The following NCKAP5 variants were observed in gnomAD, a reference collection of about 807,000 sequenced individuals.
NCKAP5 encodes NCK associated protein 5, also known as nck-associated protein 5.
NCKAP5 carries 92 observed loss-of-function variants against 167.0 expected under a neutral mutation model. The observed-to-expected ratio is 0.55, with a 90% confidence interval of 0.47 to 0.66. The LOEUF (loss-of-function observed/expected upper bound fraction) is 0.66. Ranked by LOEUF, NCKAP5 falls within the 30% of genes least tolerant of loss-of-function variation. The pLI, the probability that NCKAP5 is intolerant of heterozygous loss-of-function variation, is 0.00. For missense variants in NCKAP5, 2,378 were observed against 2,315.0 expected (o/e 1.03, Z -0.56); for synonymous variants, 891 against 877.4 (o/e 1.02, Z -0.27).
chr2:133,366,656 A>C, intron 3 of NCKAP5, among the ~76,000 whole-genome samples: 1 of 152,156 alleles, frequency 6.6e-6, no homozygotes, highest in East Asian at 1.9e-4. Context: ...TTTGGGTAAA[A>C]CCTATTCCAA....
At chr2:133,583,145 G>A in the NCKAP5 span, among the ~76,000 whole-genome samples, 1 of 152,184 alleles carries the variant, frequency 6.6e-6, no homozygotes, top group East Asian at 1.9e-4. Context: ...ATGATATGAT[G>A]TGGATGTTTG....
chr2:133,097,081 G>C (rs1013209548), intron 6 of NCKAP5, among the ~76,000 whole-genome samples: 1 of 152,178 alleles, frequency 6.6e-6, no homozygotes, highest in African/African-American at 2.4e-5. Flanking sequence ...GCCATGCCTA[G>C]CTAAGTTTGA....
intron 1 of NCKAP5, among the ~76,000 whole-genome samples, chr2:133,563,864 T>C (rs1688356903): frequency 6.6e-6 from 1 of 152,196 alleles, no homozygotes; most frequent in African/African-American, 2.4e-5. Context: ...TTGAGTGCAG[T>C]GTCTCATACC....
chr2:132,996,848 TG>T (rs1393707416), intron 6 of NCKAP5, among the ~76,000 whole-genome samples: 1 of 152,242 alleles, frequency 6.6e-6, no homozygotes, highest in African/African-American at 2.4e-5. Context: ...ACCTTGTCAT[TG>T]GGGCCCACCA....
intron 16 of NCKAP5, among the ~76,000 whole-genome samples, chr2:132,773,320 T>C (rs1331415228): frequency 3.9e-5 from 6 of 152,218 alleles, no homozygotes; most frequent in Non-Finnish European, 8.8e-5. Flanking sequence ...TTTTAAGACG[T>C]GGCTGACAAG....
chr2:132,891,400 G>A (rs1369188431), intron 8 of NCKAP5, among the ~76,000 whole-genome samples: 1 of 152,190 alleles, frequency 6.6e-6, no homozygotes, highest in Non-Finnish European at 1.5e-5. Flanking sequence ...GTGAAGGTGG[G>A]TGTCACCTCC....
At chr2:133,494,655 G>A (rs73003112) in intron 3 of NCKAP5, among the ~76,000 whole-genome samples, 2,421 of 152,146 alleles carry the variant, frequency 0.016, 66 homozygotes, top group African/African-American at 0.055. Context: ...TATGGAAATC[G>A]GGTACAACTA....
At chr2:132,808,620 T>C (rs527932041) in intron 11 of NCKAP5, among the ~76,000 whole-genome samples, 1 of 152,312 alleles carries the variant, frequency 6.6e-6, no homozygotes, top group African/African-American at 2.4e-5. Context: ...CCTGTTTCGT[T>C]TCTTAGTGAG....
chr2:133,529,437 C>G (rs540084976), intron 2 of NCKAP5, among the ~76,000 whole-genome samples: 22 of 151,980 alleles, frequency 1.4e-4, no homozygotes, highest in African/African-American at 5.3e-4. Context: ...CTTCATAGTA[C>G]TATAAAACAG....
intron 4 of NCKAP5, among the ~76,000 whole-genome samples, chr2:133,233,348 C>T (rs2150258256): frequency 6.6e-6 from 1 of 152,250 alleles, no homozygotes. Flanking sequence ...CCATTTTATG[C>T]AAGCATAAAT....
the NCKAP5 span, among the ~76,000 whole-genome samples, chr2:133,667,920 A>G: frequency 6.6e-6 from 1 of 151,918 alleles, no homozygotes; most frequent in East Asian, 1.9e-4. Flanking sequence ...GAAAGCCCAT[A>G]CCCATTACCA....
At chr2:133,280,925 A>G (rs2089913305) in intron 4 of NCKAP5, among the ~76,000 whole-genome samples, 1 of 152,234 alleles carries the variant, frequency 6.6e-6, no homozygotes, top group Non-Finnish European at 1.5e-5. Flanking sequence ...ACCCTGCTAC[A>G]GAAAATATTG....
At chr2:133,638,934 C>T in the NCKAP5 span, among the ~76,000 whole-genome samples, 1 of 150,330 alleles carries the variant, frequency 6.7e-6, no homozygotes, top group Non-Finnish European at 1.5e-5. Context: ...GAAGTACTTG[C>T]AATGTGTAAT....
At chr2:132,789,873 T>C (rs918882067) in intron 13 of NCKAP5, 150 bp downstream of exon 13, 79 of 671,518 alleles carry the variant, frequency 1.2e-4, no homozygotes, top group Admixed American at 7.5e-4. Context: ...GGCTATAGCA[T>C]TGATGAAAGG....
At chr2:133,347,335 C>T (rs990640046) in intron 3 of NCKAP5, among the ~76,000 whole-genome samples, 1 of 152,006 alleles carries the variant, frequency 6.6e-6, no homozygotes, top group Non-Finnish European at 1.5e-5. Context: ...GGGCAGATCA[C>T]CTGAGGTTGG....
At chr2:133,523,394 TG>T (rs1684632413) in intron 2 of NCKAP5, among the ~76,000 whole-genome samples, 1 of 152,080 alleles carries the variant, frequency 6.6e-6, no homozygotes, top group Non-Finnish European at 1.5e-5. Flanking sequence ...TCTGCCTTTC[TG>T]ATTCTGCCAC....
intron 8 of NCKAP5, among the ~76,000 whole-genome samples, chr2:132,885,688 T>C (rs977062705): frequency 1.5e-4 from 23 of 152,246 alleles, no homozygotes; most frequent in African/African-American, 5.3e-4. Context: ...CTGTGTTTCT[T>C]AGAGGTCCTG....
At position 133,189,006 on chromosome 2, in the gene NCKAP5, C is replaced by T. The variant is rs181220985; in HGVS notation, c.207+24710G>A. Among the ~76,000 whole-genome samples the T allele has an allele frequency of 8.0e-3, 1,215 of 151,598 alleles. 8 individuals are homozygous for T. Among genetic ancestry groups the T allele is most frequent in the African/African-American group, 0.028 (1,139 of 41,342 alleles). On this transcript the variant is annotated intron_variant, in intron 5 of 19. Coordinates refer to ENST00000409261, the MANE Select transcript of NCKAP5 (RefSeq NM_207363.3). ...TCAATGAATCCAGGAGCTGGTTTTT[C>T]GAAAAGATCAACAAAATTGATAGGC...
chr2:133,219,812 T>TA (rs2086584871), intron 4 of NCKAP5, among the ~76,000 whole-genome samples: 1 of 152,176 alleles, frequency 6.6e-6, no homozygotes, highest in South Asian at 2.1e-4. Context: ...CTTGACATGG[T>TA]AAAAACTTCT....
Sources: allele counts gnomAD v4.1 joint callset (sites outside exome capture counted in the v4.1 genomes callset), GRCh38; gene constraint gnomAD v4.1.1; transcripts MANE v1.5; gene names NCBI Gene and HGNC (gene_info 2026-07-23, HGNC 2026-07-21).